The following ZNF430 variants were observed in gnomAD, a reference collection of about 807,000 sequenced individuals.
ZNF430 encodes the protein zinc finger protein 430.
Under a neutral mutation model 56.7 loss-of-function variants are expected in ZNF430, and 35 were observed. The ratio of observed to expected loss-of-function variants is 0.62; its 90% confidence interval spans 0.47 to 0.82. ZNF430 has a LOEUF of 0.82. Ranked by LOEUF, ZNF430 falls within the 40% of genes least tolerant of loss-of-function variation. The probability of loss-of-function intolerance (pLI) is 0.00; values close to 1 mark genes in which losing one functional copy is unlikely to be tolerated. For synonymous variants in ZNF430, 212 were observed against 224.3 expected (o/e 0.94, Z 0.49); for missense variants, 574 against 661.0 (o/e 0.87, Z 1.44).
At chr19:21,022,026 C>T (rs1173673766) in intron 1 of ZNF430, among the ~76,000 whole-genome samples, 5 of 151,932 alleles carry the variant, frequency 3.3e-5, no homozygotes, top group Non-Finnish European at 7.4e-5. Context: ...TTAGTAGAGA[C>T]GGGGTTTCAC....
At chr19:21,041,173 G>C (rs73014855) in intron 4 of ZNF430, among the ~76,000 whole-genome samples, 10,784 of 152,132 alleles carry the variant, frequency 0.071, 468 homozygotes, top group Non-Finnish European at 0.086. Flanking sequence ...TGTCAACCAA[G>C]CTGGTTTGCA....
intron 3 of ZNF430, 170 bp downstream of exon 3, chr19:21,033,752 T>TAAGTCAAGA: frequency 1.3e-6 from 1 of 790,130 alleles, no homozygotes; most frequent in Non-Finnish European, 1.9e-6. Flanking sequence ...TCAAGAAGTT[T>TAAGTCAAGA]TATCTTGACT....
Position 21,054,669 on chromosome 19 carries a change from C to CTTTTTTTTTTTTTT in ZNF430, c.323-1951_323-1938dup, listed in dbSNP as rs55772412. On this transcript the variant is annotated intron_variant, in intron 4 of 4. Transcript: ENST00000261560. The stretch of plus-strand genomic sequence containing the variant: ...TTTTTGAGCTTCTTCATTTTTACGT[C>CTTTTTTTTTTTTTT]TTTTTTTTTTTTTTTTTTTTTTTTG... Among the ~76,000 whole-genome samples the CTTTTTTTTTTTTTT allele has an allele frequency of 9.3e-4, 61 of 65,594 alleles. 6 individuals are homozygous for CTTTTTTTTTTTTTT. Among genetic ancestry groups the CTTTTTTTTTTTTTT allele is most frequent in the African/African-American group, 3.4e-3 (54 of 15,714 alleles). 43.0% of individuals were successfully genotyped at this position (65,594 alleles called of 152,430 possible).
At chr19:21,052,034 A>G (rs879698576) in intron 4 of ZNF430, among the ~76,000 whole-genome samples, 2 of 152,182 alleles carry the variant, frequency 1.3e-5, no homozygotes, top group Non-Finnish European at 2.9e-5. Context: ...ATTGAGCAGT[A>G]TGGACGTCTT....
intron 2 of ZNF430, among the ~76,000 whole-genome samples, chr19:21,026,216 T>C (rs565630008): frequency 2.7e-4 from 40 of 150,328 alleles, no homozygotes; most frequent in African/African-American, 9.6e-4. Context: ...TGAGACGGAG[T>C]CTCACTGTGT....
At chr19:21,036,999 T>C (rs573885544) in intron 4 of ZNF430, among the ~76,000 whole-genome samples, 9 of 152,162 alleles carry the variant, frequency 5.9e-5, no homozygotes, top group Non-Finnish European at 1.2e-4. Flanking sequence ...TGAGTGTGAC[T>C]AATTAAAATA....
intron 1 of ZNF430, 108 bp downstream of exon 1, chr19:21,020,911 G>A (rs2075806284): frequency 1.3e-6 from 2 of 1,498,722 alleles, no homozygotes; most frequent in East Asian, 4.5e-5. Flanking sequence ...TGCACAATCT[G>A]CGCCCCGAGT....
chr19:21,054,673 T>A (rs1968340712), intron 4 of ZNF430, among the ~76,000 whole-genome samples: 2 of 130,288 alleles, frequency 1.5e-5, no homozygotes, highest in South Asian at 5.4e-4. Flanking sequence ...TTACGTCTTT[T>A]TTTTTTTTTT....
intron 4 of ZNF430, among the ~76,000 whole-genome samples, chr19:21,040,349 G>A (rs1233921003): frequency 6.6e-6 from 1 of 152,188 alleles, no homozygotes; most frequent in Non-Finnish European, 1.5e-5. Flanking sequence ...GGAGGTGTTT[G>A]GGTCATGGGG....
At chr19:21,036,249 A>G (rs1967998971) in intron 4 of ZNF430, 2 of 198,664 alleles carry the variant, frequency 1.0e-5, no homozygotes, top group Admixed American at 6.5e-5. Flanking sequence ...TGACCCCAAT[A>G]TTGGTTATGG....
chr19:21,026,898 C>T (rs1295174073), intron 2 of ZNF430, among the ~76,000 whole-genome samples: 36 of 118,192 alleles, frequency 3.0e-4, no homozygotes, highest in African/African-American at 9.8e-4. Context: ...GGTGTGATCT[C>T]GGCTCACTGC....
At chr19:21,028,918 T>G (rs1372570262) in intron 2 of ZNF430, among the ~76,000 whole-genome samples, 1 of 151,656 alleles carries the variant, frequency 6.6e-6, no homozygotes, top group East Asian at 1.9e-4. Context: ...ACTCCTGACC[T>G]TGTGATCCGC....
Position 21,033,470 on chromosome 19 carries a change from T to G in ZNF430, c.111T>G (p.Phe37Leu). The change falls in exon 3 of 5, where the codon TTT becomes TTG. Residue 37 changes from phenylalanine (F) to leucine (L), a missense_variant. This residue lies in a region of ZNF430 where 346 missense variants were observed against 399.1 expected (regional missense o/e 0.87). Transcript: ENST00000261560. ...GTGTTTTTCAGGGGCCATTGACATT[T>G]AGGGATGTGGCCATAGAATTTTCTC... is the stretch of plus-strand genomic sequence containing the variant. ...YSFYEKGPLT[F>L]RDVAIEFSLE... 1.2e-6 allele frequency: 2 copies of G among 1,610,800 alleles called. No individual in the cohort carries two copies. Among genetic ancestry groups the G allele is most frequent in the Non-Finnish European group, 1.7e-6 (2 of 1,178,434 alleles).
chr19:21,036,325 G>A (rs1397007511), intron 4 of ZNF430: 3 of 152,628 alleles, frequency 2.0e-5, no homozygotes, highest in Non-Finnish European at 4.4e-5. Flanking sequence ...TAAGTGAGTA[G>A]TCATGGAAAT....
intron 2 of ZNF430, among the ~76,000 whole-genome samples, chr19:21,025,363 A>C (rs974995436): frequency 2.6e-5 from 4 of 152,064 alleles, no homozygotes; most frequent in Non-Finnish European, 4.4e-5. Flanking sequence ...ACCAAAGGTC[A>C]CTCTCATCCC....
intron 1 of ZNF430, among the ~76,000 whole-genome samples, chr19:21,022,137 C>T (rs553485953): frequency 2.6e-5 from 4 of 152,228 alleles, no homozygotes; most frequent in African/African-American, 7.2e-5. Context: ...CACGCCCAGC[C>T]ACGTTAGATC....
intron 4 of ZNF430, among the ~76,000 whole-genome samples, chr19:21,046,311 C>G (rs955735704): frequency 2.4e-5 from 3 of 126,086 alleles, no homozygotes; most frequent in Non-Finnish European, 3.5e-5. Context: ...GAACAAGACT[C>G]CATCTCAAAA....
At chr19:21,037,867 G>A (rs1181088374) in intron 4 of ZNF430, among the ~76,000 whole-genome samples, 3 of 151,960 alleles carry the variant, frequency 2.0e-5, no homozygotes, top group African/African-American at 7.2e-5. Flanking sequence ...TTTTCCATTT[G>A]TGTATCTTTT....
At chr19:21,046,297 G>A (rs1968185108) in intron 4 of ZNF430, among the ~76,000 whole-genome samples, 1 of 140,306 alleles carries the variant, frequency 7.1e-6, no homozygotes, top group Non-Finnish European at 1.5e-5. Flanking sequence ...CAGCCTGGGT[G>A]ACAGAACAAG....
Sources: gnomAD v4.1 joint callset for allele counts (sites outside exome capture counted in the v4.1 genomes callset) on GRCh38, gnomAD v4.1.1 for gene constraint, gnomAD v4.1.1 regional missense constraint, MANE v1.5 for transcripts, NCBI Gene and HGNC (gene_info 2026-07-23, HGNC 2026-07-21) for gene names.